Variants in DTWD2 observed in about 807,000 individuals in gnomAD.
The protein encoded by DTWD2 is DTW motif tRNA-uridine aminocarboxypropyltransferase 2.
DTWD2 carries 39 observed loss-of-function variants against 31.8 expected under a neutral mutation model. The ratio of observed to expected loss-of-function variants is 1.22; its 90% CI spans 0.95 to 1.60. The LOEUF (loss-of-function observed/expected upper bound fraction) is 1.60, where lower values mean the gene tolerates loss of function less well. DTWD2 is among the 40% of genes most tolerant of loss of function. DTWD2 has a pLI of 0.00. For missense variants in DTWD2, 515 were observed against 381.5 expected, an observed-to-expected ratio of 1.35 and a Z score of -2.92; for synonymous variants, 180 against 142.8, an observed-to-expected ratio of 1.26 and a Z score of -1.86.
intron 5 of DTWD2, 132 bp from the exon 6 acceptor site, chr5:118,841,219 G>C (rs972094317): frequency 1.5e-5 from 13 of 891,440 alleles, no homozygotes; most frequent in Non-Finnish European, 2.0e-5. Flanking sequence ...AGAAACACTA[G>C]GCACTCTGAT....
Position 118,928,643 on chromosome 5 carries a change from A to C in DTWD2, c.491T>G (p.Ile164Arg), listed in dbSNP as rs373638510. The change falls in exon 4 of 6, where the codon ATA becomes AGA. Residue 164 changes from isoleucine to arginine, a missense_variant. Physicochemically the swap from Ile to Arg is moderately conservative, Grantham distance 97 (BLOSUM62 -3). Transcript: ENST00000510708. ...GAEAANLEEF[I>R]LDSPVYPSTI... ...AGAAGGATAAACAGGAGAATCTAAT[A>C]TAAATTCTTCCAAATTAGCAGCTTC... 5 of 1,602,852 alleles carry C rather than the reference A, an allele frequency of 3.1e-6. No individual in the cohort carries two copies. The African/African-American group carries it at 6.7e-5, about 21-fold the overall frequency.
chr5:118,890,213 A>T (rs924633169), intron 4 of DTWD2, among the ~76,000 whole-genome samples: 5 of 152,214 alleles, frequency 3.3e-5, no homozygotes, highest in African/African-American at 1.2e-4. Context: ...ACAGGAATAA[A>T]GTCAGTCTGA....
chr5:118,872,145 T>C (rs1411390664), intron 4 of DTWD2, among the ~76,000 whole-genome samples: 1 of 152,218 alleles, frequency 6.6e-6, no homozygotes, highest in African/African-American at 2.4e-5. Context: ...AGTTAGAGCC[T>C]TGCTGTAGAT....
At chr5:118,969,768 CAGA>C (rs1754940903) in intron 1 of DTWD2, among the ~76,000 whole-genome samples, 1 of 152,022 alleles carries the variant, frequency 6.6e-6, no homozygotes, top group Non-Finnish European at 1.5e-5. Flanking sequence ...CTCAAAAATC[CAGA>C]GTGACTCCAG....
At chr5:118,852,541 G>C (rs1375980015) in intron 4 of DTWD2, among the ~76,000 whole-genome samples, 2 of 152,096 alleles carry the variant, frequency 1.3e-5, no homozygotes, top group Non-Finnish European at 1.5e-5. Context: ...AGTCAGAAGG[G>C]CTATTATTAA....
At chr5:118,937,383 CAAA>C (rs70982459) in intron 3 of DTWD2, among the ~76,000 whole-genome samples, 13 of 132,172 alleles carry the variant, frequency 9.8e-5, no homozygotes, top group Admixed American at 1.5e-4. Context: ...GTTATCACTG[CAAA>C]AAAAAAAAAA....
intron 4 of DTWD2, among the ~76,000 whole-genome samples, chr5:118,881,694 C>G (rs1207130764): frequency 6.6e-6 from 1 of 152,104 alleles, no homozygotes; most frequent in Non-Finnish European, 1.5e-5. Flanking sequence ...AAGCAGGCGC[C>G]TCTTACACAA....
intron 4 of DTWD2, among the ~76,000 whole-genome samples, chr5:118,891,376 G>T (rs892041513): frequency 2.6e-5 from 4 of 152,004 alleles, no homozygotes; most frequent in East Asian, 3.9e-4. Context: ...TGCCAAGCAC[G>T]CCTGCTATGC....
chr5:118,972,626 G>A (rs1190609492), intron 1 of DTWD2, among the ~76,000 whole-genome samples: 1 of 152,192 alleles, frequency 6.6e-6, no homozygotes, highest in Non-Finnish European at 1.5e-5. Flanking sequence ...CTCATTTTAT[G>A]AAGCCAGCAT....
At chr5:118,865,882 C>T (rs1287685640) in intron 4 of DTWD2, among the ~76,000 whole-genome samples, 7 of 152,040 alleles carry the variant, frequency 4.6e-5, no homozygotes, top group Admixed American at 1.3e-4. Flanking sequence ...ACTTAAGCAA[C>T]GACCTTACCT....
chr5:118,957,196 G>A (rs372668236), intron 1 of DTWD2, among the ~76,000 whole-genome samples: 11 of 152,052 alleles, frequency 7.2e-5, no homozygotes, highest in African/African-American at 2.4e-4. Context: ...AGTGGAGGAA[G>A]GATAGACTTA....
At chr5:118,950,835 T>C (rs1754447529) in intron 1 of DTWD2, among the ~76,000 whole-genome samples, 1 of 152,236 alleles carries the variant, frequency 6.6e-6, no homozygotes, top group Non-Finnish European at 1.5e-5. Flanking sequence ...TTTTAATTAT[T>C]GTACACCTTG....
chr5:118,919,357 G>C (rs1311487692), intron 4 of DTWD2, among the ~76,000 whole-genome samples: 1 of 152,194 alleles, frequency 6.6e-6, no homozygotes, highest in African/African-American at 2.4e-5. Context: ...ACGGTCTCTA[G>C]GTTTTTAAAA....
intron 2 of DTWD2, among the ~76,000 whole-genome samples, chr5:118,941,826 C>G (rs1327770918): frequency 1.3e-5 from 2 of 152,202 alleles, no homozygotes; most frequent in African/African-American, 4.8e-5. Context: ...TTCTCCACAT[C>G]CTCTCCAGCA....
chr5:118,885,855 C>T (rs1308898346), intron 4 of DTWD2, among the ~76,000 whole-genome samples: 2 of 151,978 alleles, frequency 1.3e-5, no homozygotes, highest in Non-Finnish European at 2.9e-5. Flanking sequence ...GTCCCAGCTA[C>T]TTAGGGGGCT....
At chr5:118,941,513 AT>A (rs1430842205) in intron 2 of DTWD2, among the ~76,000 whole-genome samples, 3 of 152,228 alleles carry the variant, frequency 2.0e-5, no homozygotes, top group East Asian at 3.9e-4. Flanking sequence ...TGAACTCATC[AT>A]TTTTTATGGC....
intron 4 of DTWD2, among the ~76,000 whole-genome samples, chr5:118,877,938 T>A (rs1324497895): frequency 1.3e-5 from 2 of 151,968 alleles, no homozygotes; most frequent in Admixed American, 6.6e-5. Context: ...CTACTCCCAT[T>A]CACAACTGCT....
chr5:118,908,572 G>A (rs1039451374), intron 4 of DTWD2, among the ~76,000 whole-genome samples: 10 of 151,724 alleles, frequency 6.6e-5, no homozygotes, highest in African/African-American at 2.4e-4. Flanking sequence ...ATTCAAATTT[G>A]TAGAGACTGA....
intron 4 of DTWD2, among the ~76,000 whole-genome samples, chr5:118,917,833 T>C (rs115062237): frequency 1.3e-3 from 205 of 152,034 alleles, no homozygotes; most frequent in African/African-American, 4.7e-3. Flanking sequence ...GGAGTAGTAG[T>C]GCGTGACTAT....
Sources: allele counts gnomAD v4.1 joint callset (sites outside exome capture counted in the v4.1 genomes callset), GRCh38; gene constraint gnomAD v4.1.1; transcripts MANE v1.5; gene names NCBI Gene and HGNC (gene_info 2026-07-23, HGNC 2026-07-21).